The following TUT1 variants were observed in gnomAD, a reference collection of about 807,000 sequenced individuals.
TUT1 encodes the protein terminal uridylyl transferase 1, U6 snRNA-specific.
Under a neutral mutation model 48.8 loss-of-function variants are expected in TUT1, and 26 were observed. The observed-to-expected ratio is 0.53, with a 90% CI of 0.39 to 0.74. The LOEUF is 0.74. Ranked by LOEUF, TUT1 falls within the 30% of genes least tolerant of loss-of-function variation. The pLI is 0.00. For synonymous variants in TUT1, 470 were observed against 460.8 expected (o/e 1.02, Z -0.26); for missense variants, 1,065 against 1,114.8 (o/e 0.96, Z 0.64).
intron 2 of TUT1, among the ~76,000 whole-genome samples, chr11:62,583,200 C>T (rs184628557): frequency 4.6e-5 from 7 of 151,810 alleles, no homozygotes; most frequent in African/African-American, 1.7e-4. Flanking sequence ...ACTCATAAAC[C>T]CTGTCTTCAA....
intron 2 of TUT1, among the ~76,000 whole-genome samples, chr11:62,587,437 T>C (rs1454234273): frequency 6.6e-6 from 1 of 152,134 alleles, no homozygotes; most frequent in African/African-American, 2.4e-5. Flanking sequence ...CGCCCCAGCC[T>C]ACCAAAGTGC....
chr11:62,590,044 T>C (rs1400863978), intron 1 of TUT1, among the ~76,000 whole-genome samples: 1 of 152,270 alleles, frequency 6.6e-6, no homozygotes, highest in Non-Finnish European at 1.5e-5. Flanking sequence ...TATTATTTTA[T>C]TGAGTTAGCT....
In TUT1 at chr11:62,585,899, G is replaced by A. The variant is rs541874359; in HGVS notation, c.273+3132C>T. On this transcript the variant is annotated intron_variant, in intron 2 of 8. Transcript: ENST00000476907. ...CGAGGCAGGCGGATCACCTGAGGTC[G>A]GGAATTCCAGACCAGCAACATGGAG... is the stretch of plus-strand genomic sequence containing the variant. Among the ~76,000 whole-genome samples the A allele has an allele frequency of 5.3e-5, 8 of 152,008 alleles. No homozygotes were observed. The South Asian group carries it at 8.3e-4, about 16-fold the overall frequency.
intron 2 of TUT1, among the ~76,000 whole-genome samples, chr11:62,586,210 G>A (rs945515735): frequency 1.3e-5 from 2 of 152,238 alleles, no homozygotes; most frequent in Admixed American, 6.5e-5. Flanking sequence ...ACTATTTGTT[G>A]AGGGCTTATT....
At position 62,575,501 on chromosome 11, in the gene TUT1, G is replaced by A. The variant is rs1383726529; in HGVS notation, c.2218C>T (p.Pro740Ser). Reference protein sequence around the residue: ...PSHAALAERGPKGHEAAQEWS... With the variant: ...PSHAALAERGSKGHEAAQEWS... ...TCTTGGGCTGCCTCATGTCCCTTGG[G>A]CCCCCGCTCTGCCAGGGCTGCGTGG... The change falls in exon 9 of 9, where the codon CCC becomes TCC. Residue 740 changes from proline (P) to serine (S), a missense_variant. Pro to Ser is a moderately conservative substitution (Grantham distance 74, BLOSUM62 -1). Transcript: ENST00000476907. 17 of 1,612,724 alleles carry A rather than the reference G, an allele frequency of 1.1e-5. No homozygotes were observed. The highest frequency in any genetic ancestry group is 1.6e-4 in the Middle Eastern group (1 of 6,062).
Position 62,578,422 on chromosome 11 carries a change from G to A in TUT1, c.1160+139C>T, listed in dbSNP as rs1941765659. On this transcript the variant is annotated intron_variant, in intron 5 of 8. Transcript: ENST00000476907. ...TAGCCAGGCGTGGTGGCGCATGCCTGTAATCCCAGCTACTTGGGAGGCTGA... is the reference window on the plus strand; with the variant it reads ...TAGCCAGGCGTGGTGGCGCATGCCTATAATCCCAGCTACTTGGGAGGCTGA... 11 of 788,134 alleles carry A rather than the reference G, an allele frequency of 1.4e-5. No individual in the cohort carries two copies. The East Asian group carries it at 2.8e-4, about 20-fold the overall frequency. 48.8% of individuals were successfully genotyped at this position (788,134 alleles called of 1,614,324 possible). A position where few individuals can be genotyped will look rare whatever the true frequency, so the allele number is the denominator to read the frequency against.
chr11:62,582,955 C>T (rs530309273), intron 2 of TUT1, among the ~76,000 whole-genome samples: 96 of 151,804 alleles, frequency 6.3e-4, no homozygotes, highest in African/African-American at 2.2e-3. Flanking sequence ...GGTGAAACCC[C>T]GTCTCTACTA....
At chr11:62,576,506 T>C (rs953499221) in intron 8 of TUT1, 151 bp downstream of exon 8, 1 of 824,322 alleles carries the variant, frequency 1.2e-6, no homozygotes, top group Non-Finnish European at 1.9e-6. Context: ...CTCCCAAACA[T>C]GGTTTCTTCA....
rs1941775875 is a variant in TUT1, at chr11:62,578,829, T to C, written c.892A>G (p.Thr298Ala). 4 of 1,613,804 alleles carry C rather than the reference T, an allele frequency of 2.5e-6. No individual in the cohort carries two copies. The highest frequency in any genetic ancestry group is 3.4e-6 in the Non-Finnish European group (4 of 1,179,912). ...GGCAGAGACTGGGGAGAAGCAAGGG[T>C]CTCGGAGGCCAAGGCAGAGTCCGGA... ...QTPDSALASE[T>A]LASPQSLPPA... Residue 298 changes from threonine to alanine, a missense_variant, in exon 5 of 9, where the codon ACC becomes GCC. Coordinates refer to ENST00000476907, the MANE Select transcript of TUT1 (RefSeq NM_022830.3).
intron 2 of TUT1, among the ~76,000 whole-genome samples, chr11:62,583,723 C>T (rs1302376130): frequency 1.3e-5 from 2 of 152,148 alleles, no homozygotes; most frequent in East Asian, 1.9e-4. Flanking sequence ...AAGGTTCCTG[C>T]TAGAGTAAGG....
Position 62,578,646 on chromosome 11 carries a change from G to C in TUT1, c.1075C>G (p.Gln359Glu). Residue 359 changes from glutamine to glutamate, a missense_variant, in exon 5 of 9, where the codon CAA becomes GAA. Gln to Glu is a conservative substitution (Grantham distance 29). Transcript: ENST00000476907. ...GGGCGCCGGGCAGAGGGCACAGTTT[G>C]GACTCGATACACCCCAGGGACACAG... ...RGCVPGVYRV[Q>E]TVPSARRPVV... The C allele has an allele frequency of 6.2e-7, 1 of 1,614,180 alleles. No homozygotes were observed. Among genetic ancestry groups the C allele is most frequent in the Non-Finnish European group, 8.5e-7 (1 of 1,180,040 alleles).
chr11:62,575,234 G>A lies in TUT1; in HGVS notation c.2485C>T (p.Leu829=), dbSNP rs766748841. The A allele has an allele frequency of 1.9e-6, 3 of 1,614,116 alleles. No individual in the cohort carries two copies. Among genetic ancestry groups the A allele is most frequent in the Middle Eastern group, 1.6e-4 (1 of 6,062 alleles). Residue 829 remains leucine (L), a synonymous_variant, in exon 9 of 9, where the codon CTG becomes TTG. Coordinates refer to ENST00000476907, the MANE Select transcript of TUT1 (RefSeq NM_022830.3). ...GAGACAGACGCCACAAAGCTCAGCA[G>A]GGGCTCAGTTTCTGGCCTCTCTTCG... ...GGEERPETEP[L]LSFVASVSPA...
At position 62,578,806 on chromosome 11, in the gene TUT1, CAG is replaced by C. The variant is rs2134305741; in HGVS notation, c.913_914del (p.Leu305AlafsTer76). 6.2e-7 allele frequency: 1 copy of C among 1,614,116 alleles called. No individual in the cohort carries two copies. The highest frequency in any genetic ancestry group is 2.2e-5 in the East Asian group (1 of 44,878). ...ASETLASPQS[L>X]PPASPLLEDR... ...CCTCTAGCAGTGGTGAAGCTGGAGG[CAG>C]AGACTGGGGAGAAGCAAGGGTCTCG... is the stretch of plus-strand genomic sequence containing the variant. On this transcript the variant is annotated frameshift_variant, in exon 5 of 9. Transcript: ENST00000476907. LOFTEE classifies it high-confidence loss of function.
rs775043277 is a variant in TUT1 at position 62,578,656 on chromosome 11, C to T, written c.1065G>A (p.Val355=). 1.9e-6 allele frequency: 3 copies of T among 1,614,232 alleles called. No individual in the cohort carries two copies. Among genetic ancestry groups the T allele is most frequent in the Non-Finnish European group, 2.5e-6 (3 of 1,180,028 alleles). Residue 355 remains valine, a synonymous_variant, in exon 5 of 9, where the codon GTG becomes GTA. Transcript: ENST00000476907. ...CAGAGGGCACAGTTTGGACTCGATA[C>T]ACCCCAGGGACACAGCCCCGGAGAA... ...GSILRGCVPG[V]YRVQTVPSAR...
chr11:62,581,037 G>T, intron 4 of TUT1, 69 bp downstream of exon 4: 1 of 1,203,056 alleles, frequency 8.3e-7, no homozygotes. Flanking sequence ...AGAGCTAAAG[G>T]ACTTGCCCAC....
intron 2 of TUT1, among the ~76,000 whole-genome samples, chr11:62,586,136 A>T (rs762589458): frequency 1.3e-5 from 2 of 152,166 alleles, no homozygotes; most frequent in Non-Finnish European, 2.9e-5. Context: ...TAAATAAATA[A>T]AAATAAGGAG....
In TUT1 at chr11:62,575,186, CAGTG is replaced by C; in HGVS notation, c.2529_2532del (p.Thr844Ter). The C allele has an allele frequency of 6.2e-7, 1 of 1,611,580 alleles. No individual in the cohort carries two copies. Among genetic ancestry groups the C allele is most frequent in the Non-Finnish European group, 8.5e-7 (1 of 1,177,882 alleles). ...CCTTGGGGATCCTGGAGCGGGGTCA[CAGTG>C]AGCATTCGGTCAGCCGGGGAGACAG... is the stretch of plus-strand genomic sequence containing the variant. On this transcript the variant is annotated frameshift_variant, in exon 9 of 9. Coordinates refer to ENST00000476907, the MANE Select transcript of TUT1 (RefSeq NM_022830.3). LOFTEE classifies it high-confidence loss of function.
chr11:62,579,180 T>A (rs1206275105), intron 4 of TUT1, 150 bp from the exon 5 acceptor site: 9 of 515,752 alleles, frequency 1.7e-5, no homozygotes, highest in Admixed American at 4.3e-5. Flanking sequence ...CTTTTTTTTT[T>A]TAAAGATAAC....
At position 62,575,195 on chromosome 11, in the gene TUT1, T is replaced by C. The variant is rs1216110823; in HGVS notation, c.2524A>G (p.Met842Val). 6.2e-7 allele frequency: 1 copy of C among 1,612,254 alleles called. No homozygotes were observed. Reference protein sequence around the residue: ...FVASVSPADRMLTVTPLQDPQ... With the variant: ...FVASVSPADRVLTVTPLQDPQ... Reference sequence around the variant, plus strand: ...TCCTGGAGCGGGGTCACAGTGAGCATTCGGTCAGCCGGGGAGACAGACGCC... The same window carrying C: ...TCCTGGAGCGGGGTCACAGTGAGCACTCGGTCAGCCGGGGAGACAGACGCC... Residue 842 changes from methionine (M) to valine (V), a missense_variant, in exon 9 of 9, where the codon ATG becomes GTG. Physicochemically the swap from Met to Val is conservative, Grantham distance 21. Transcript: ENST00000476907.
Sources: gnomAD v4.1 joint callset for allele counts (sites outside exome capture counted in the v4.1 genomes callset) on GRCh38, gnomAD v4.1.1 for gene constraint, MANE v1.5 for transcripts, NCBI Gene and HGNC (gene_info 2026-07-23, HGNC 2026-07-21) for gene names.